The following MLPH variants were observed in gnomAD, a reference collection of about 807,000 sequenced individuals.
MLPH encodes the protein exophilin-3.
Under a neutral mutation model 72.1 loss-of-function variants are expected in MLPH, and 51 were observed. The observed-to-expected ratio is 0.71, with a 90% CI of 0.56 to 0.89. MLPH has a LOEUF of 0.89. Ranked by LOEUF, MLPH falls within the 40% of genes least tolerant of loss-of-function variation. MLPH has a pLI of 0.00. For synonymous variants in MLPH, 301 were observed against 310.1 expected (o/e 0.97, Z 0.31); for missense variants, 743 against 759.9 (o/e 0.98, Z 0.26).
At chr2:237,491,333 G>A (rs2079424934) in intron 1 of MLPH, among the ~76,000 whole-genome samples, 1 of 152,172 alleles carries the variant, frequency 6.6e-6, no homozygotes, top group Non-Finnish European at 1.5e-5. Context: ...GAAATTACGA[G>A]GTGGTTTTTA....
At chr2:237,507,051 C>CTT (rs1242812118) in intron 2 of MLPH, among the ~76,000 whole-genome samples, 2 of 119,378 alleles carry the variant, frequency 1.7e-5, no homozygotes, top group African/African-American at 6.4e-5. Context: ...TTTCCTTTTT[C>CTT]TTTTTTTTTT....
Position 237,509,069 on chromosome 2 carries a change from C to T in MLPH, c.111-1505C>T, listed in dbSNP as rs76589271. 3.5e-4 allele frequency among the ~76,000 whole-genome samples: 53 copies of T among 152,316 alleles called. No homozygotes were observed. In the East Asian group the frequency reaches 7.7e-3, roughly 22 times the overall value. Reference sequence around the variant, plus strand: ...ATTCACTCCTCAGGATCGGAAGCTCCGGGTCTTGTTGATACGTCCTGGAGT... The same window carrying T: ...ATTCACTCCTCAGGATCGGAAGCTCTGGGTCTTGTTGATACGTCCTGGAGT... On this transcript the variant is annotated intron_variant, in intron 2 of 15. Coordinates refer to ENST00000264605, the MANE Select transcript of MLPH (RefSeq NM_024101.7).
intron 2 of MLPH, among the ~76,000 whole-genome samples, chr2:237,502,630 G>A (rs2079675726): frequency 6.6e-6 from 1 of 152,166 alleles, no homozygotes; most frequent in Non-Finnish European, 1.5e-5. Context: ...TGGGGGAAAG[G>A]CTGAAGCCCA....
At chr2:237,551,593 G>A (rs1385623303) in intron 14 of MLPH, among the ~76,000 whole-genome samples, 1 of 152,232 alleles carries the variant, frequency 6.6e-6, no homozygotes, top group Non-Finnish European at 1.5e-5. Context: ...GAGGCCAGAT[G>A]CCCCCAGCTA....
intron 2 of MLPH, among the ~76,000 whole-genome samples, chr2:237,500,430 G>A (rs2079622494): frequency 6.6e-6 from 1 of 152,044 alleles, no homozygotes; most frequent in African/African-American, 2.4e-5. Context: ...ATGCAACTGG[G>A]GAAAAAAAGT....
chr2:237,545,196 T>G (rs1242937891), intron 12 of MLPH, among the ~76,000 whole-genome samples: 1 of 21,552 alleles, frequency 4.6e-5, no homozygotes, highest in Non-Finnish European at 8.7e-5. Flanking sequence ...GGCACAGTGG[T>G]GAGTGGGGAC....
At chr2:237,496,714 TAG>T (rs538115674) in intron 2 of MLPH, among the ~76,000 whole-genome samples, 112 of 152,158 alleles carry the variant, frequency 7.4e-4, no homozygotes, top group African/African-American at 2.7e-3. Flanking sequence ...GCTATGTGAT[TAG>T]GGGGGGGCTT....
chr2:237,546,638 C>T lies in MLPH; in HGVS notation c.1572C>T (p.Gly524=), dbSNP rs756898477. 5.4e-5 allele frequency: 87 copies of T among 1,614,062 alleles called. No individual in the cohort carries two copies. Among genetic ancestry groups the T allele is most frequent in the Non-Finnish European group, 7.0e-5 (83 of 1,180,028 alleles). ...IFLPRVAGKL[G]KRPEDPNADP... ...TCCCTCGAGTGGCTGGGAAACTTGGCAAGAGACCAGAGGACCCAAATGCAG... is the reference window on the plus strand; with the variant it reads ...TCCCTCGAGTGGCTGGGAAACTTGGTAAGAGACCAGAGGACCCAAATGCAG... Residue 524 remains glycine (G), a synonymous_variant, in exon 13 of 16, where the codon GGC becomes GGT. Coordinates refer to ENST00000264605, the MANE Select transcript of MLPH (RefSeq NM_024101.7).
At chr2:237,495,644 C>A (rs1438280220) in intron 2 of MLPH, among the ~76,000 whole-genome samples, 1 of 152,162 alleles carries the variant, frequency 6.6e-6, no homozygotes, top group African/African-American at 2.4e-5. Context: ...GAGGGGCCGG[C>A]GTCAGAGCCT....
chr2:237,524,007 G>A (rs1349322021), intron 6 of MLPH, among the ~76,000 whole-genome samples: 3 of 152,102 alleles, frequency 2.0e-5, no homozygotes, highest in Admixed American at 2.0e-4. Flanking sequence ...AGGGCTCATG[G>A]CAGGAGTAGT....
chr2:237,522,299 G>A (rs79814988), intron 6 of MLPH, among the ~76,000 whole-genome samples: 1,049 of 80,040 alleles, frequency 0.013, 22 homozygotes, highest in South Asian at 0.046. Context: ...CTGGAGCGGA[G>A]CAGGGCTGAG....
At chr2:237,529,648 C>T (rs946713141) in intron 8 of MLPH, among the ~76,000 whole-genome samples, 1 of 152,204 alleles carries the variant, frequency 6.6e-6, no homozygotes, top group African/African-American at 2.4e-5. Flanking sequence ...GCCTTGACTC[C>T]AGCAACGTAA....
chr2:237,512,303 G>A lies in MLPH; in HGVS notation c.445+1202G>A, dbSNP rs187234563. 2.2e-4 allele frequency among the ~76,000 whole-genome samples: 33 copies of A among 152,310 alleles called. No individual in the cohort carries two copies. In the East Asian group the frequency reaches 3.3e-3, roughly 15 times the overall value. On this transcript the variant is annotated intron_variant, in intron 4 of 15. Transcript: ENST00000264605. This position sits in a 1 kb window ranked among gnomAD's most constrained non-coding sequence, Gnocchi z 5.5. ...ACCTTTGAGCATTCAAGCTCTCGCC[G>A]GGCCTGCTGCAGGCATTTCAAGGCA...
rs150048671 is a variant in MLPH, at chr2:237,502,249, G to A, written c.111-8325G>A. On this transcript the variant is annotated intron_variant, in intron 2 of 15. Transcript: ENST00000264605. ...TTATCACATGTTATTATTTTTTAATGTTCTACAAATACAAAGTAGGGCCAA... is the reference window on the plus strand; with the variant it reads ...TTATCACATGTTATTATTTTTTAATATTCTACAAATACAAAGTAGGGCCAA... Among the ~76,000 whole-genome samples the A allele has an allele frequency of 7.4e-3, 1,133 of 152,276 alleles. 16 individuals carry two copies. The highest frequency in any genetic ancestry group is 0.026 in the African/African-American group (1,085 of 41,554).
At chr2:237,520,105 A>G in intron 6 of MLPH, 76 bp downstream of exon 6, 1 of 1,598,518 alleles carries the variant, frequency 6.3e-7, no homozygotes, top group Non-Finnish European at 8.6e-7. Flanking sequence ...CAGGTGAGGG[A>G]CAGCACTCTG....
intron 4 of MLPH, among the ~76,000 whole-genome samples, chr2:237,516,886 A>ATGGGT (rs2080036913): frequency 1.0e-5 from 1 of 98,442 alleles, no homozygotes; most frequent in African/African-American, 4.1e-5. Flanking sequence ...GATGGATGGT[A>ATGGGT]GGATGGATGG....
Position 237,500,188 on chromosome 2 carries a change from T to C in MLPH, c.110+6652T>C, listed in dbSNP as rs375091525. Among the ~76,000 whole-genome samples, 5 of 152,348 alleles carry C rather than the reference T, an allele frequency of 3.3e-5. No individual in the cohort carries two copies. The East Asian group carries it at 9.6e-4, about 29-fold the overall frequency. ...CTCTGTCTCCTTTGCTGGAACTTCTTGGACTCTTTAAATATTCCCTTTCGC... is the reference window on the plus strand; with the variant it reads ...CTCTGTCTCCTTTGCTGGAACTTCTCGGACTCTTTAAATATTCCCTTTCGC... On this transcript the variant is annotated intron_variant, in intron 2 of 15. Coordinates refer to ENST00000264605, the MANE Select transcript of MLPH (RefSeq NM_024101.7).
At chr2:237,517,737 A>ATGGG (rs1559351715) in intron 4 of MLPH, among the ~76,000 whole-genome samples, 12 of 62,542 alleles carry the variant, frequency 1.9e-4, no homozygotes, top group South Asian at 6.8e-4. Context: ...GGGTGGATGG[A>ATGGG]TGGATGGATG....
chr2:237,507,770 C>G (rs2079808209), intron 2 of MLPH, among the ~76,000 whole-genome samples: 1 of 152,196 alleles, frequency 6.6e-6, no homozygotes, highest in East Asian at 1.9e-4. Context: ...TAAATACTGT[C>G]ACTTCTTTTC....
Sources: gnomAD v4.1 joint callset for allele counts (sites outside exome capture counted in the v4.1 genomes callset) on GRCh38, gnomAD v4.1.1 for gene constraint, Gnocchi (gnomAD v3.1) non-coding constraint, MANE v1.5 for transcripts, NCBI Gene and HGNC (gene_info 2026-07-23, HGNC 2026-07-21) for gene names.